Variants in KCTD8 observed in about 807,000 individuals in gnomAD.
KCTD8 encodes BTB/POZ domain-containing protein KCTD8.
Under a neutral mutation model 31.5 loss-of-function variants are expected in KCTD8, and 27 were observed. The observed-to-expected ratio is 0.86, with a 90% CI of 0.63 to 1.18. The LOEUF is 1.18. Ranked by LOEUF, KCTD8 falls within the 50% of genes most tolerant of loss-of-function variation. The probability of loss-of-function intolerance (pLI) is 0.00; values close to 1 mark genes in which losing one functional copy is unlikely to be tolerated. For synonymous variants in KCTD8, 290 were observed against 280.0 expected (o/e 1.04, Z -0.36); for missense variants, 658 against 647.7 (o/e 1.02, Z -0.17).
chr4:44,368,322 T>C (rs1036854967), intron 1 of KCTD8, among the ~76,000 whole-genome samples: 2 of 151,950 alleles, frequency 1.3e-5, no homozygotes, highest in Middle Eastern at 3.4e-3. Flanking sequence ...GAAGTGGAGG[T>C]TGCAGTGAGC....
chr4:44,225,920 A>ACGCCATTCTCCTGCCTCAGCCTCC (rs1714947833), intron 1 of KCTD8, among the ~76,000 whole-genome samples: 1 of 145,094 alleles, frequency 6.9e-6, no homozygotes, highest in South Asian at 2.2e-4. Context: ...TCCCAGGTTC[A>ACGCCATTCTCCTGCCTCAGCCTCC]CGCCATTCTC....
At position 44,249,661 on chromosome 4, in the gene KCTD8, T is replaced by C. The variant is rs193186231; in HGVS notation, c.962-74411A>G. On this transcript the variant is annotated intron_variant, in intron 1 of 1. Coordinates refer to ENST00000360029, the MANE Select transcript of KCTD8 (RefSeq NM_198353.3). ...TACTTTGTAAATCATGTAATCTCTATCCAACTATGTACAGTACCTGTATAA... is the reference window on the plus strand; with the variant it reads ...TACTTTGTAAATCATGTAATCTCTACCCAACTATGTACAGTACCTGTATAA... Among the ~76,000 whole-genome samples the C allele has an allele frequency of 3.1e-3, 468 of 151,914 alleles. 1 individual carries two copies. The highest frequency in any genetic ancestry group is 0.011 in the African/African-American group (444 of 41,488).
intron 1 of KCTD8, among the ~76,000 whole-genome samples, chr4:44,406,001 T>A (rs1445075966): frequency 1.3e-5 from 2 of 152,160 alleles, no homozygotes; most frequent in Non-Finnish European, 2.9e-5. Context: ...GATCAACACA[T>A]TTTTCATTTC....
Position 44,448,432 on chromosome 4 carries a change from G to C in KCTD8, c.92C>G (p.Ala31Gly), listed in dbSNP as rs1425729397. 1.6e-5 allele frequency: 25 copies of C among 1,553,788 alleles called. No individual in the cohort carries two copies. In the East Asian group the frequency reaches 5.7e-4, roughly 35 times the overall value. Residue 31 changes from alanine to glycine, a missense_variant, in exon 1 of 2, where the codon GCC (alanine) becomes GGC (glycine). Ala to Gly is a moderately conservative substitution (Grantham distance 60). Coordinates refer to ENST00000360029, the MANE Select transcript of KCTD8 (RefSeq NM_198353.3). This position sits in a 1 kb window ranked among gnomAD's most constrained non-coding sequence, Gnocchi z 4.1. Reference sequence around the variant, plus strand: ...GGGTGCGCAGGGCCCCGGGGCGGCGGCGGCCGACGCGCCGGGCGAGCTGGA... The same window carrying C: ...GGGTGCGCAGGGCCCCGGGGCGGCGCCGGCCGACGCGCCGGGCGAGCTGGA... ...SSSSSPGASA[A>G]AAPGPCAPSP...
chr4:44,198,528 C>T (rs1381501729), intron 1 of KCTD8, among the ~76,000 whole-genome samples: 4 of 152,010 alleles, frequency 2.6e-5, no homozygotes, highest in African/African-American at 9.7e-5. Context: ...AAAAGAAATT[C>T]CAACCAAAAA....
Position 44,174,741 on chromosome 4 carries a change from T to C in KCTD8, c.*49A>G, listed in dbSNP as rs1466369576. 9 of 1,384,604 alleles carry C rather than the reference T, an allele frequency of 6.5e-6. No individual in the cohort carries two copies. The highest frequency in any genetic ancestry group is 9.0e-6 in the Non-Finnish European group (9 of 1,001,000). 85.8% of individuals were successfully genotyped at this position (1,384,604 alleles called of 1,614,324 possible). ...TAGGACATCAGTCAGGTGGTGACAC[T>C]GTAGTAAACATTGAATGTCATCAAA... On this transcript the variant is annotated 3_prime_UTR_variant, in exon 2 of 2. Coordinates refer to ENST00000360029, the MANE Select transcript of KCTD8 (RefSeq NM_198353.3).
At position 44,376,800 on chromosome 4, in the gene KCTD8, G is replaced by T. The variant is rs553569280; in HGVS notation, c.961+70763C>A. Among the ~76,000 whole-genome samples, 8 of 152,296 alleles carry T rather than the reference G, an allele frequency of 5.3e-5. No individual in the cohort carries two copies. The South Asian group carries it at 1.7e-3, about 32-fold the overall frequency. On this transcript the variant is annotated intron_variant, in intron 1 of 1. Coordinates refer to ENST00000360029, the MANE Select transcript of KCTD8 (RefSeq NM_198353.3). ...AAGTCAAAGATCACTTTTGGTTTGG[G>T]TCTTGAAGAATGTGTGTCAGGTTCT...
chr4:44,447,718 A>T lies in KCTD8; in HGVS notation c.806T>A (p.Phe269Tyr). The stretch of plus-strand genomic sequence containing the variant: ...CTCCAAGTAGGTGAACTTGAGGTAG[A>T]AGCGGGACGTGTACTTCTCCGGCTG... The part of the protein sequence containing the change: ...DRQPEKYTSR[F>Y]YLKFTYLEQA... Residue 269 changes from phenylalanine to tyrosine, a missense_variant, in exon 1 of 2, where the codon TTC (phenylalanine) becomes TAC (tyrosine). Coordinates refer to ENST00000360029, the MANE Select transcript of KCTD8 (RefSeq NM_198353.3). 6.2e-7 allele frequency: 1 copy of T among 1,612,562 alleles called. No homozygotes were observed. The highest frequency in any genetic ancestry group is 8.5e-7 in the Non-Finnish European group (1 of 1,179,430).
intron 1 of KCTD8, among the ~76,000 whole-genome samples, chr4:44,311,076 CT>C (rs969950500): frequency 6.6e-5 from 10 of 151,926 alleles, no homozygotes; most frequent in Non-Finnish European, 1.5e-4. Context: ...TTCTAAGATC[CT>C]TTCTTCAAAA....
intron 1 of KCTD8, among the ~76,000 whole-genome samples, chr4:44,315,081 C>T (rs1030870393): frequency 6.6e-6 from 1 of 151,496 alleles, no homozygotes; most frequent in Non-Finnish European, 1.5e-5. Context: ...TTATGCAATC[C>T]CTCATCTCCC....
At chr4:44,193,425 T>C (rs1250832052) in intron 1 of KCTD8, among the ~76,000 whole-genome samples, 1 of 152,284 alleles carries the variant, frequency 6.6e-6, no homozygotes, top group East Asian at 1.9e-4. Context: ...GAGATACATA[T>C]GCTGCCACAA....
intron 1 of KCTD8, among the ~76,000 whole-genome samples, chr4:44,405,241 T>TTTTGTTTGTTTG (rs113965031): frequency 1.8e-4 from 27 of 149,296 alleles, no homozygotes; most frequent in African/African-American, 2.0e-4. Flanking sequence ...AGCCAGGTGT[T>TTTTGTTTGTTTG]TTTGTTTGTT....
At chr4:44,188,780 A>G (rs1713671384) in intron 1 of KCTD8, among the ~76,000 whole-genome samples, 1 of 152,194 alleles carries the variant, frequency 6.6e-6, no homozygotes, top group Non-Finnish European at 1.5e-5. Flanking sequence ...TGATGCAGCT[A>G]CAAATCCTGG....
intron 1 of KCTD8, among the ~76,000 whole-genome samples, chr4:44,212,394 T>C (rs1345595966): frequency 6.6e-6 from 1 of 152,182 alleles, no homozygotes; most frequent in East Asian, 1.9e-4. Context: ...CCTTAGTATA[T>C]GTGGGAAATT....
chr4:44,213,752 CA>C (rs963268885), intron 1 of KCTD8, among the ~76,000 whole-genome samples: 4 of 151,954 alleles, frequency 2.6e-5, no homozygotes, highest in African/African-American at 7.3e-5. Context: ...GTTTATAAAT[CA>C]ATATGAGCCA....
At chr4:44,384,186 G>A (rs1399907059) in intron 1 of KCTD8, among the ~76,000 whole-genome samples, 4 of 151,746 alleles carry the variant, frequency 2.6e-5, no homozygotes, top group African/African-American at 7.3e-5. Flanking sequence ...GAGGATAAAG[G>A]GAAAAGAGAA....
At chr4:44,212,541 A>C (rs1481460047) in intron 1 of KCTD8, among the ~76,000 whole-genome samples, 1 of 152,196 alleles carries the variant, frequency 6.6e-6, no homozygotes, top group Non-Finnish European at 1.5e-5. Flanking sequence ...ATTTTCAATC[A>C]ACATTTGGTT....
intron 1 of KCTD8, among the ~76,000 whole-genome samples, chr4:44,384,152 CA>C (rs1183241184): frequency 7.0e-5 from 10 of 143,050 alleles, no homozygotes; most frequent in Non-Finnish European, 1.4e-4. Context: ...CAAAAAAAAA[CA>C]AAAAAAAATA....
intron 1 of KCTD8, 28 bp from the exon 2 acceptor site, chr4:44,175,278 G>A (rs2109327066): frequency 3.0e-6 from 4 of 1,326,456 alleles, no homozygotes; most frequent in Non-Finnish European, 4.1e-6. Context: ...AAAAGAAGAA[G>A]AGTAGAACAG....
Sources: gnomAD v4.1 joint callset for allele counts (sites outside exome capture counted in the v4.1 genomes callset) on GRCh38, gnomAD v4.1.1 for gene constraint, Gnocchi (gnomAD v3.1) non-coding constraint, MANE v1.5 for transcripts, NCBI Gene and HGNC (gene_info 2026-07-23, HGNC 2026-07-21) for gene names.